The following MPP7 variants were observed in gnomAD, a reference collection of about 807,000 sequenced individuals.
MPP7 encodes MAGUK p55 scaffold protein 7.
MPP7 carries 60 observed loss-of-function variants against 76.5 expected under a neutral mutation model. That is an observed-to-expected ratio of 0.78 (90% CI 0.64 to 0.97). The LOEUF is 0.97. Among genes scored for constraint, MPP7 ranks in the 50% least tolerant of loss-of-function variants. The pLI, the probability that MPP7 is intolerant of heterozygous loss-of-function variation, is 0.00. For synonymous variants in MPP7, 237 were observed against 244.5 expected, an observed-to-expected ratio of 0.97 and a Z score of 0.29; for missense variants, 641 against 694.0, an observed-to-expected ratio of 0.92 and a Z score of 0.86.
At chr10:28,152,257 A>C (rs1195381955) in intron 3 of MPP7, among the ~76,000 whole-genome samples, 3 of 152,126 alleles carry the variant, frequency 2.0e-5, no homozygotes, top group Non-Finnish European at 4.4e-5. Flanking sequence ...ATTTTGTGCC[A>C]TATCAAACAT....
chr10:28,267,712 A>G (rs1840190006), intron 1 of MPP7, among the ~76,000 whole-genome samples: 1 of 152,026 alleles, frequency 6.6e-6, no homozygotes, highest in African/African-American at 2.4e-5. Context: ...TGTGATCAAC[A>G]TGGTAAAAGA....
At chr10:28,219,819 A>C (rs1161048386) in intron 2 of MPP7, among the ~76,000 whole-genome samples, 1 of 152,148 alleles carries the variant, frequency 6.6e-6, no homozygotes, top group Non-Finnish European at 1.5e-5. Flanking sequence ...AATAGGATAC[A>C]CCAAGCTTTA....
chr10:28,233,766 G>A (rs1838973667), intron 2 of MPP7, among the ~76,000 whole-genome samples: 1 of 151,186 alleles, frequency 6.6e-6, no homozygotes, highest in Non-Finnish European at 1.5e-5. Flanking sequence ...GCTGAGTGCG[G>A]TGCCTCATGC....
At chr10:28,284,260 A>T (rs941037305) in intron 1 of MPP7, among the ~76,000 whole-genome samples, 1 of 152,202 alleles carries the variant, frequency 6.6e-6, no homozygotes, top group Non-Finnish European at 1.5e-5. Context: ...ACAGCTGTTA[A>T]CTGGTTCCCA....
At chr10:28,124,585 C>T (rs12219860) in intron 7 of MPP7, among the ~76,000 whole-genome samples, 10,862 of 145,530 alleles carry the variant, frequency 0.075, 997 homozygotes, top group East Asian at 0.43. Context: ...ACACCATTCT[C>T]CTGCCTCAGC....
At chr10:28,072,372 TCTC>T (rs111973649) in intron 12 of MPP7, among the ~76,000 whole-genome samples, 3,283 of 152,268 alleles carry the variant, frequency 0.022, 118 homozygotes, top group African/African-American at 0.074. Context: ...GGCTGCATCA[TCTC>T]CTCAGTCCTT....
intron 2 of MPP7, among the ~76,000 whole-genome samples, chr10:28,313,536 A>G (rs548985604): frequency 6.6e-6 from 1 of 152,228 alleles, no homozygotes; most frequent in Non-Finnish European, 1.5e-5. Flanking sequence ...AAGGAAACAA[A>G]AAGACAGAGA....
chr10:28,162,053 G>A (rs1297725342), intron 3 of MPP7, among the ~76,000 whole-genome samples: 1 of 152,126 alleles, frequency 6.6e-6, no homozygotes, highest in Non-Finnish European at 1.5e-5. Context: ...CTGAAATCCG[G>A]CTGAAGTTTC....
intron 5 of MPP7, among the ~76,000 whole-genome samples, chr10:28,134,499 G>T (rs1052231456): frequency 6.6e-6 from 1 of 152,036 alleles, no homozygotes; most frequent in Non-Finnish European, 1.5e-5. Flanking sequence ...CTCAATAAAG[G>T]ATTCTAATTT....
chr10:28,256,237 T>A (rs1170283027), intron 1 of MPP7, among the ~76,000 whole-genome samples: 1 of 150,240 alleles, frequency 6.7e-6, no homozygotes, highest in Non-Finnish European at 1.5e-5. Flanking sequence ...ACACTTTCTA[T>A]ATAAAAGACC....
chr10:28,057,603 C>CTTT (rs1564608930), intron 15 of MPP7: 2 of 263,696 alleles, frequency 7.6e-6, no homozygotes, highest in African/African-American at 9.2e-5. Flanking sequence ...CCAATTAAAC[C>CTTT]TCTTTTTTTT....
At chr10:28,219,701 T>C (rs749197491) in intron 2 of MPP7, among the ~76,000 whole-genome samples, 1 of 152,170 alleles carries the variant, frequency 6.6e-6, no homozygotes, top group Non-Finnish European at 1.5e-5. Flanking sequence ...CTGTGCAGTA[T>C]GGTCAGGCAT....
In MPP7 at chr10:28,262,006, C is replaced by T. The variant is rs1229738165; in HGVS notation, c.-131-23271G>A. ...CTCTACTAAAAATACAAAAAATTAG[C>T]CGGGCATGGTGGCGCACACCTGTAG... On this transcript the variant is annotated intron_variant, in intron 1 of 16. Coordinates refer to ENST00000683449, the MANE Select transcript of MPP7 (RefSeq NM_001318170.2). 2.7e-5 allele frequency among the ~76,000 whole-genome samples: 4 copies of T among 150,496 alleles called. No individual in the cohort carries two copies. The East Asian group carries it at 7.9e-4, about 30-fold the overall frequency.
Position 28,328,174 on chromosome 10 carries a change from AG to A in MPP7, c.-132+1754del, listed in dbSNP as rs536656412. On this transcript the variant is annotated intron_variant, in intron 2 of 11. Transcript: ENST00000441595. Reference sequence around the variant, plus strand: ...GTCAGATTTAATTCTGATTTTTTTAAGAAAAAAATAAAAATCTAATTACAAC... The same window carrying A: ...GTCAGATTTAATTCTGATTTTTTTAAAAAAAAATAAAAATCTAATTACAAC... Among the ~76,000 whole-genome samples the A allele has an allele frequency of 2.3e-3, 355 of 152,340 alleles. 2 individuals carry two copies. Among genetic ancestry groups the A allele is most frequent in the African/African-American group, 8.2e-3 (339 of 41,580 alleles).
At position 28,053,773 on chromosome 10, in the gene MPP7, T is replaced by C. The variant is rs1328778093; in HGVS notation, c.*292A>G. The C allele has an allele frequency of 8.5e-6, 3 of 354,716 alleles. No individual in the cohort carries two copies. Among genetic ancestry groups the C allele is most frequent in the Non-Finnish European group, 1.5e-5 (3 of 196,848 alleles). The allele number at this position is 354,716 out of a possible 1,614,324, so 22.0% of individuals were successfully genotyped here. ...CATACATACTAAGCCTCTAGCTAAG[T>C]CTCTCTGAAAATTTCAGCCTCATCT... On this transcript the variant is annotated 3_prime_UTR_variant, in exon 17 of 17. Coordinates refer to ENST00000683449, the MANE Select transcript of MPP7 (RefSeq NM_001318170.2).
chr10:28,244,842 C>T (rs908282377), intron 1 of MPP7, among the ~76,000 whole-genome samples: 6 of 152,132 alleles, frequency 3.9e-5, no homozygotes, highest in Non-Finnish European at 7.4e-5. Context: ...GGAAGGCACA[C>T]AACCGCCCCT....
rs546904104 is a variant in MPP7, at chr10:28,253,838, A to T, written c.-131-15103T>A. Among the ~76,000 whole-genome samples the T allele has an allele frequency of 2.6e-3, 388 of 151,862 alleles. 5 individuals carry two copies. Among genetic ancestry groups the T allele is most frequent in the Non-Finnish European group, 2.9e-3 (200 of 67,940 alleles). On this transcript the variant is annotated intron_variant, in intron 1 of 16. Coordinates refer to ENST00000683449, the MANE Select transcript of MPP7 (RefSeq NM_001318170.2). The stretch of plus-strand genomic sequence containing the variant: ...TGGCAAAACCTCGTCTCTACTAAAG[A>T]TACAAAAATTAGCCGGGTATGGTCG...
intron 1 of MPP7, among the ~76,000 whole-genome samples, chr10:28,276,236 G>A (rs1303499822): frequency 6.6e-6 from 1 of 151,690 alleles, no homozygotes; most frequent in Non-Finnish European, 1.5e-5. Context: ...TCACCATATT[G>A]GCCAGACTGG....
intron 3 of MPP7, among the ~76,000 whole-genome samples, chr10:28,176,735 T>TA (rs113507861): frequency 0.031 from 4,642 of 150,132 alleles, 90 homozygotes; most frequent in South Asian, 0.06. Context: ...AGACTCTGTC[T>TA]AAAAAAAAAG....
Sources: allele counts gnomAD v4.1 joint callset (sites outside exome capture counted in the v4.1 genomes callset), GRCh38; gene constraint gnomAD v4.1.1; transcripts MANE v1.5; gene names NCBI Gene and HGNC (gene_info 2026-07-23, HGNC 2026-07-21).